The following JARID2 variants were observed in gnomAD, a reference collection of about 807,000 sequenced individuals.
JARID2 encodes the protein protein Jumonji.
JARID2 carries 21 observed loss-of-function variants against 125.6 expected under a neutral mutation model. That is an observed-to-expected ratio of 0.17 (90% confidence interval 0.12 to 0.24). The LOEUF (loss-of-function observed/expected upper bound fraction) is 0.24, where lower values mean the gene tolerates loss of function less well. Among genes scored for constraint, JARID2 ranks in the 10% least tolerant of loss-of-function variants. The pLI is 1.00. For synonymous variants in JARID2, 736 were observed against 661.6 expected (o/e 1.11, Z -1.73); for missense variants, 1,303 against 1,639.6 (o/e 0.79, Z 3.55).
chr6:15,302,368 T>A (rs905235804), intron 1 of JARID2, among the ~76,000 whole-genome samples: 1 of 152,062 alleles, frequency 6.6e-6, no homozygotes, highest in African/African-American at 2.4e-5. Context: ...TGAGCTGAGA[T>A]TGCGCCACTG....
intron 1 of JARID2, among the ~76,000 whole-genome samples, chr6:15,276,620 C>T (rs1439447110): frequency 1.3e-5 from 2 of 152,130 alleles, no homozygotes; most frequent in African/African-American, 2.4e-5. Flanking sequence ...TCTAGAAGCC[C>T]TGTTGTGTCT....
chr6:15,323,224 TC>T (rs1581411805), intron 1 of JARID2, among the ~76,000 whole-genome samples: 1 of 152,254 alleles, frequency 6.6e-6, no homozygotes, highest in East Asian at 1.9e-4. Flanking sequence ...AATGCATTTC[TC>T]CCTGATTGCC....
At chr6:15,378,625 C>G (rs761730489) in intron 2 of JARID2, among the ~76,000 whole-genome samples, 21 of 152,158 alleles carry the variant, frequency 1.4e-4, no homozygotes, top group Non-Finnish European at 2.5e-4. Flanking sequence ...AATTGCAGCT[C>G]AAGTCCTGTA....
At chr6:15,424,669 C>T (rs1766645708) in intron 3 of JARID2, among the ~76,000 whole-genome samples, 1 of 152,058 alleles carries the variant, frequency 6.6e-6, no homozygotes, top group South Asian at 2.1e-4. Flanking sequence ...ACCAGTGTGA[C>T]CAACATGGAG....
intron 9 of JARID2, chr6:15,505,034 TCTC>T (rs1162930418): frequency 1.2e-5 from 2 of 164,036 alleles, no homozygotes; most frequent in African/African-American, 2.4e-5. Context: ...TTCTGCCAAC[TCTC>T]TTCTTTGAGT....
At chr6:15,385,361 C>T (rs984630856) in intron 2 of JARID2, among the ~76,000 whole-genome samples, 8 of 152,124 alleles carry the variant, frequency 5.3e-5, no homozygotes, top group African/African-American at 1.9e-4. Context: ...GTACCTGCCT[C>T]TGTTACTCCT....
chr6:15,254,554 G>A (rs1035270166), intron 1 of JARID2, among the ~76,000 whole-genome samples: 2 of 152,152 alleles, frequency 1.3e-5, no homozygotes, highest in African/African-American at 4.8e-5. Context: ...AGAGAAAGAG[G>A]AACCCTACTG....
intron 1 of JARID2, among the ~76,000 whole-genome samples, chr6:15,258,506 G>A (rs1016616989): frequency 3.3e-5 from 5 of 152,172 alleles, no homozygotes; most frequent in Admixed American, 2.0e-4. Flanking sequence ...GACTATAGCC[G>A]GACGTGGTGG....
chr6:15,280,986 C>T (rs1200333240), intron 1 of JARID2, among the ~76,000 whole-genome samples: 2 of 152,126 alleles, frequency 1.3e-5, no homozygotes, highest in African/African-American at 4.8e-5. Context: ...CTGCAAAATA[C>T]GCTTGCGTTA....
chr6:15,392,778 A>G (rs764311752), intron 2 of JARID2, among the ~76,000 whole-genome samples: 5 of 144,784 alleles, frequency 3.5e-5, no homozygotes, highest in Non-Finnish European at 7.4e-5. Flanking sequence ...TCCACCTCCC[A>G]GGTTCAAGTA....
At chr6:15,495,874 C>A (rs1010675107) in intron 6 of JARID2, among the ~76,000 whole-genome samples, 1 of 152,184 alleles carries the variant, frequency 6.6e-6, no homozygotes, top group Non-Finnish European at 1.5e-5. Context: ...CGCTAGGAAG[C>A]GCCTGGGGCA....
At chr6:15,506,897 G>GGGAATAACACTGCATAA (rs1380487771) in intron 9 of JARID2, among the ~76,000 whole-genome samples, 1 of 152,186 alleles carries the variant, frequency 6.6e-6, no homozygotes, top group Non-Finnish European at 1.5e-5. Context: ...TTTGGCTGTT[G>GGGAATAACACTGCATAA]GGAATAACAC....
At chr6:15,367,897 G>T (rs902509712) in intron 1 of JARID2, among the ~76,000 whole-genome samples, 6 of 152,170 alleles carry the variant, frequency 3.9e-5, no homozygotes, top group South Asian at 2.1e-4. Flanking sequence ...CACCCATTCT[G>T]CGAGCTTTAC....
At chr6:15,352,081 G>C (rs707839) in intron 1 of JARID2, among the ~76,000 whole-genome samples, 137,128 of 152,252 alleles carry the variant, frequency 0.9, 61,931 homozygotes, top group African/African-American at 0.98. Context: ...CCTCTTTTCT[G>C]TCCGACGTAA....
At chr6:15,326,322 C>T (rs1762533448) in intron 1 of JARID2, among the ~76,000 whole-genome samples, 1 of 152,176 alleles carries the variant, frequency 6.6e-6, no homozygotes, top group African/African-American at 2.4e-5. Flanking sequence ...ACTCTCGCCT[C>T]AGCCTTCTCA....
At chr6:15,296,066 C>T (rs539017628) in intron 1 of JARID2, among the ~76,000 whole-genome samples, 8 of 152,298 alleles carry the variant, frequency 5.3e-5, no homozygotes, top group South Asian at 2.1e-4. Flanking sequence ...AAAAGTATTT[C>T]GGTAATTTTT....
At chr6:15,496,096 G>A (rs771042618) in intron 6 of JARID2, 36 bp from the exon 7 acceptor site, 28 of 1,553,502 alleles carry the variant, frequency 1.8e-5, no homozygotes, top group Non-Finnish European at 2.4e-5. Context: ...TACTAATTCT[G>A]CGTTTTTTTC....
intron 3 of JARID2, among the ~76,000 whole-genome samples, chr6:15,411,147 TTTC>T (rs1264556622): frequency 6.6e-6 from 1 of 151,364 alleles, no homozygotes; most frequent in Non-Finnish European, 1.5e-5. Flanking sequence ...TTCCTGACTT[TTTC>T]TTAGAATTTG....
intron 12 of JARID2, among the ~76,000 whole-genome samples, chr6:15,509,660 A>G (rs1019498783): frequency 2.6e-5 from 4 of 152,256 alleles, no homozygotes; most frequent in Non-Finnish European, 5.9e-5. Context: ...CCTCCGGAAG[A>G]AGAGCGTGGC....
Sources: gnomAD v4.1 joint callset for allele counts (sites outside exome capture counted in the v4.1 genomes callset) on GRCh38, gnomAD v4.1.1 for gene constraint, MANE v1.5 for transcripts, NCBI Gene and HGNC (gene_info 2026-07-23, HGNC 2026-07-21) for gene names.